The following MTO1 variants were observed in gnomAD, a reference collection of about 807,000 sequenced individuals.
MTO1 encodes the protein mitochondrial tRNA translation optimization 1, also known as 5-taurinomethyluridine-[tRNA] synthase subunit MTO1, mitochondrial.
A neutral mutation model predicts 71.6 loss-of-function variants in MTO1; 46 were observed. The observed-to-expected ratio is 0.64, with a 90% CI of 0.51 to 0.82. The LOEUF is 0.82. Among genes scored for constraint, MTO1 ranks in the 40% least tolerant of loss-of-function variants. The probability of loss-of-function intolerance (pLI) is 0.00; values close to 1 mark genes in which losing one functional copy is unlikely to be tolerated. For synonymous variants in MTO1, 297 were observed against 312.1 expected, an observed-to-expected ratio of 0.95 and a Z score of 0.51; for missense variants, 773 against 867.5, an observed-to-expected ratio of 0.89 and a Z score of 1.37.
intron 4 of MTO1, among the ~76,000 whole-genome samples, chr6:73,476,213 A>AAAATAATAAAAAAT (rs1582680802): frequency 6.6e-6 from 1 of 151,654 alleles, no homozygotes; most frequent in African/African-American, 2.4e-5. Flanking sequence ...AAATAAAAAA[A>AAAATAATAAAAAAT]AAATAAAAAA....
rs1252260788 is a variant in MTO1 at position 73,482,077 on chromosome 6, G to A, written c.1298G>A (p.Ser433Asn). The A allele has an allele frequency of 1.2e-6, 2 of 1,614,162 alleles. No individual in the cohort carries two copies. Among genetic ancestry groups the A allele is most frequent in the Non-Finnish European group, 1.7e-6 (2 of 1,180,032 alleles). The part of the protein sequence containing the change: ...IAGINASLRV[S>N]RKPPFVVSRT... ...GGAATCAACGCCAGTCTTCGGGTCA[G>A]TCGCAAGCCTCCCTTTGTGGTTAGC... The change falls in exon 8 of 12, where the codon AGT becomes AAT. Residue 433 changes from serine to asparagine, a missense_variant. Coordinates refer to ENST00000498286, the MANE Select transcript of MTO1 (RefSeq NM_012123.4).
chr6:73,476,832 A>G (rs1269483445), intron 4 of MTO1, among the ~76,000 whole-genome samples: 4 of 149,670 alleles, frequency 2.7e-5, no homozygotes, highest in Non-Finnish European at 4.4e-5. Context: ...ACTATCCCCC[A>G]GGCTGGAGTG....
At chr6:73,484,204 C>A (rs1212763698) in intron 9 of MTO1, among the ~76,000 whole-genome samples, 1 of 152,138 alleles carries the variant, frequency 6.6e-6, no homozygotes, top group Non-Finnish European at 1.5e-5. Context: ...GGATCTCATT[C>A]ATAGAAATGA....
intron 10 of MTO1, among the ~76,000 whole-genome samples, chr6:73,492,959 A>G (rs1771858823): frequency 1.8e-5 from 2 of 113,714 alleles, no homozygotes; most frequent in Admixed American, 9.8e-5. Context: ...ATAAATATAT[A>G]TATAATATAT....
At chr6:73,486,158 A>T (rs1196495794) in intron 9 of MTO1, among the ~76,000 whole-genome samples, 1 of 151,910 alleles carries the variant, frequency 6.6e-6, no homozygotes, top group Non-Finnish European at 1.5e-5. Context: ...TTTTAAAACT[A>T]TCTCGAATTC....
At position 73,479,745 on chromosome 6, in the gene MTO1, T is replaced by C; in HGVS notation, c.839T>C (p.Leu280Pro). 1.2e-6 allele frequency: 2 copies of C among 1,612,436 alleles called. No homozygotes were observed. The highest frequency in any genetic ancestry group is 1.7e-6 in the Non-Finnish European group (2 of 1,179,278). Reference sequence around the variant, plus strand: ...ACTGTTTTTTAGCCAGAAGATCAGCTGCCATGTTACTTGACTCACACCAAC... The same window carrying C: ...ACTGTTTTTTAGCCAGAAGATCAGCCGCCATGTTACTTGACTCACACCAAC... The part of the protein sequence containing the change: ...ETVWIKPEDQ[L>P]PCYLTHTNPR... Residue 280 changes from leucine (L) to proline (P), a missense_variant, in exon 5 of 12, where the codon CTG (leucine) becomes CCG (proline). Transcript: ENST00000498286.
In MTO1 at chr6:73,462,057, G is replaced by T; in HGVS notation, c.203G>T (p.Arg68Leu). 1 of 1,613,650 alleles carries T rather than the reference G, an allele frequency of 6.2e-7. No homozygotes were observed. The highest frequency in any genetic ancestry group is 8.5e-7 in the Non-Finnish European group (1 of 1,179,852). ...TCTCGGACTCTGCTCCTCACTCACCGCGTGGACACGATCGGTGAGGAGCGC... is the reference window on the plus strand; with the variant it reads ...TCTCGGACTCTGCTCCTCACTCACCTCGTGGACACGATCGGTGAGGAGCGC... ...CGSRTLLLTH[R>L]VDTIGQMSCN... The change falls in exon 1 of 12, where the codon CGC becomes CTC. Residue 68 changes from arginine (R) to leucine (L), a missense_variant. Transcript: ENST00000498286.
chr6:73,495,588 A>G (rs1036979082), intron 10 of MTO1, among the ~76,000 whole-genome samples: 1 of 152,088 alleles, frequency 6.6e-6, no homozygotes, highest in African/African-American at 2.4e-5. Flanking sequence ...ACTAGATTGA[A>G]ATATAACACA....
chr6:73,494,251 G>T (rs1465853409), intron 10 of MTO1, among the ~76,000 whole-genome samples: 1 of 151,816 alleles, frequency 6.6e-6, no homozygotes, highest in Non-Finnish European at 1.5e-5. Context: ...AAAAAGAAAA[G>T]AAAATACTGA....
chr6:73,508,550 T>A lies in MTO1; in HGVS notation c.*7815T>A, dbSNP rs892661258. Reference sequence around the variant, plus strand: ...TTAAGAAAACTGTTGGAATTTTCTGTATTTCCAGTTTCACAAGAAACAACC... The same window carrying A: ...TTAAGAAAACTGTTGGAATTTTCTGAATTTCCAGTTTCACAAGAAACAACC... On this transcript the variant is annotated 3_prime_UTR_variant, in exon 12 of 12. Coordinates refer to ENST00000498286, the MANE Select transcript of MTO1 (RefSeq NM_012123.4). 1 of 152,216 alleles carries A rather than the reference T, an allele frequency of 6.6e-6. No homozygotes were observed. The highest frequency in any genetic ancestry group is 2.4e-5 in the African/African-American group (1 of 41,462). 9.4% of individuals were successfully genotyped at this position (152,216 alleles called of 1,614,324 possible). A position where few individuals can be genotyped will look rare whatever the true frequency, so the allele number is the denominator to read the frequency against.
chr6:73,482,192 G>T lies in MTO1; in HGVS notation c.1413G>T (p.Glu471Asp). 6.2e-7 allele frequency: 1 copy of T among 1,614,162 alleles called. No individual in the cohort carries two copies. The highest frequency in any genetic ancestry group is 8.5e-7 in the Non-Finnish European group (1 of 1,180,030). Residue 471 changes from glutamate (E) to aspartate (D), a missense_variant, in exon 8 of 12, where the codon GAG (glutamate) becomes GAT (aspartate). Physicochemically the swap from Glu to Asp is conservative, Grantham distance 45 (BLOSUM62 2). Transcript: ENST00000498286. ...ACCGCATGTTTACCAGCCGAGTAGA[G>T]TTCCGTTTGTCACTGCGCCCTGATA... Reference protein sequence around the residue: ...EPYRMFTSRVEFRLSLRPDNA... With the variant: ...EPYRMFTSRVDFRLSLRPDNA...
chr6:73,492,283 A>T lies in MTO1; in HGVS notation c.1687A>T (p.Lys563Ter). The part of the protein sequence containing the change: ...YEEVDMDSLA[K>*]AVPEPLKKYT... ...GGAAGTTGACATGGATTCATTAGCC[A>T]AGGCTGTTCCAGAGCCCTTGAAGAA... is the stretch of plus-strand genomic sequence containing the variant. The change falls in exon 10 of 12, where the codon AAG (lysine) becomes TAG (stop). Residue 563 changes from lysine to a stop codon, truncating the protein, a stop_gained. Transcript: ENST00000498286. LOFTEE classifies it high-confidence loss of function. 1 of 1,614,010 alleles carries T rather than the reference A, an allele frequency of 6.2e-7. No individual in the cohort carries two copies. The highest frequency in any genetic ancestry group is 8.5e-7 in the Non-Finnish European group (1 of 1,179,904).
rs893419929 is a variant in MTO1 at position 73,496,467 on chromosome 6, C to CT, written c.1757-1259dup. ...TGAAGATAATTTAAAAAACCATTTTCTTTTTTTTTTCTTTTTTTTAATTAT... is the reference window on the plus strand; with the variant it reads ...TGAAGATAATTTAAAAAACCATTTTCTTTTTTTTTTTCTTTTTTTTAATTAT... On this transcript the variant is annotated intron_variant, in intron 10 of 11. Transcript: ENST00000498286. Among the ~76,000 whole-genome samples, 252 of 146,094 alleles carry CT rather than the reference C, an allele frequency of 1.7e-3. 4 individuals carry two copies. Among genetic ancestry groups the CT allele is most frequent in the Middle Eastern group, 0.014 (4 of 286 alleles).
intron 4 of MTO1, among the ~76,000 whole-genome samples, chr6:73,478,178 A>C (rs975144350): frequency 5.3e-5 from 8 of 151,900 alleles, no homozygotes; most frequent in Non-Finnish European, 1.0e-4. Flanking sequence ...CCCGGGAGGC[A>C]GAGGTTGCAG....
chr6:73,491,235 A>T (rs181898664), intron 9 of MTO1, among the ~76,000 whole-genome samples: 10 of 149,836 alleles, frequency 6.7e-5, no homozygotes, highest in African/African-American at 1.7e-4. Context: ...TCCATGTGGT[A>T]AAAGTTGACA....
At chr6:73,471,787 T>A (rs1374290021) in intron 3 of MTO1, 1 of 163,724 alleles carries the variant, frequency 6.1e-6, no homozygotes, top group African/African-American at 2.4e-5. Context: ...ACAATAACAA[T>A]TTTTTTGTGG....
intron 1 of MTO1, among the ~76,000 whole-genome samples, chr6:73,463,422 G>A (rs1049305023): frequency 2.1e-4 from 32 of 152,034 alleles, no homozygotes; most frequent in African/African-American, 7.2e-4. Flanking sequence ...GCTCTAATGG[G>A]TAATGGTTGG....
At chr6:73,498,060 A>G (rs1772045392) in intron 11 of MTO1, among the ~76,000 whole-genome samples, 164 bp downstream of exon 11, 1 of 152,166 alleles carries the variant, frequency 6.6e-6, no homozygotes, top group Admixed American at 6.6e-5. Context: ...CAAAAATACA[A>G]AAATTAGCTG....
At chr6:73,475,189 C>T (rs973138207) in intron 4 of MTO1, among the ~76,000 whole-genome samples, 4 of 151,994 alleles carry the variant, frequency 2.6e-5, no homozygotes, top group Non-Finnish European at 2.9e-5. Context: ...TCTCGTACTC[C>T]TGAGCTCAAG....
Sources: gnomAD v4.1 joint callset for allele counts (sites outside exome capture counted in the v4.1 genomes callset) on GRCh38, gnomAD v4.1.1 for gene constraint, MANE v1.5 for transcripts, NCBI Gene and HGNC (gene_info 2026-07-23, HGNC 2026-07-21) for gene names.